PCNT: variants seen among roughly 807,000 people sequenced by gnomAD.
PCNT encodes pericentrin, also known as kendrin.
A neutral mutation model predicts 380.4 loss-of-function variants in PCNT; 319 were observed. That is an observed-to-expected ratio of 0.84 (90% CI 0.77 to 0.92). PCNT has a LOEUF of 0.92. Among genes scored for constraint, PCNT ranks in the 40% least tolerant of loss-of-function variants. The pLI is 0.00. For synonymous variants in PCNT, 1,845 were observed against 1,735.2 expected, an observed-to-expected ratio of 1.06 and a Z score of -1.57; for missense variants, 4,400 against 4,255.3, an observed-to-expected ratio of 1.03 and a Z score of -0.95.
At chr21:46,352,435 G>C (rs932812710) in intron 9 of PCNT, among the ~76,000 whole-genome samples, 1 of 152,178 alleles carries the variant, frequency 6.6e-6, no homozygotes. Context: ...CTCCCCGCGG[G>C]CTCCGGCTCT....
rs757743130 is a variant in PCNT, at chr21:46,412,001, C to T, written c.5928C>T (p.Ala1976=). The change falls in exon 28 of 47, where the codon GCC becomes GCT. Residue 1976 remains alanine, a synonymous_variant. Coordinates refer to ENST00000359568, the MANE Select transcript of PCNT (RefSeq NM_006031.6). The part of the protein sequence containing the change: ...PQPRMDGGAK[A]QVTGDVEASH... The stretch of plus-strand genomic sequence containing the variant: ...CTCGCATGGATGGTGGCGCCAAGGC[C>T]CAGGTCACCGGCGACGTGGAGGCCT... The T allele has an allele frequency of 6.2e-6, 10 of 1,606,490 alleles. No homozygotes were observed. The East Asian group carries it at 2.0e-4, about 32-fold the overall frequency.
In PCNT at chr21:46,430,621, C is replaced by G. The variant is rs886057191; in HGVS notation, c.8028C>G (p.His2676Gln). The G allele has an allele frequency of 1.3e-6, 2 of 1,570,380 alleles. No individual in the cohort carries two copies. Among genetic ancestry groups the G allele is most frequent in the Non-Finnish European group, 1.7e-6 (2 of 1,158,516 alleles). The change falls in exon 37 of 47, where the codon CAC becomes CAG. Residue 2676 changes from histidine (H) to glutamine (Q), a missense_variant. Transcript: ENST00000359568. ...QSQLEEEQLRHLQRESQSAKA... is the reference protein window; with the variant it reads ...QSQLEEEQLRQLQRESQSAKA... ...AGCTGGAGGAGGAGCAGCTGCGGCA[C>G]CTGCAGAGGGAGAGCCAGAGTGCCA...
In PCNT at chr21:46,398,114, G is replaced by T; in HGVS notation, c.4547G>T (p.Gly1516Val). 1 of 1,605,486 alleles carries T rather than the reference G, an allele frequency of 6.2e-7. No individual in the cohort carries two copies. Reference protein sequence around the residue: ...LRQAAKPQPWGPRDSQQAPLD... With the variant: ...LRQAAKPQPWVPRDSQQAPLD... ...CAGGCGGCCAAGCCGCAGCCCTGGG[G>T]CCCTCGCGACAGCCAGGTGAGTCAG... is the stretch of plus-strand genomic sequence containing the variant. Residue 1516 changes from glycine to valine, a missense_variant, in exon 23 of 47, where the codon GGC becomes GTC. Gly to Val is a moderately radical substitution (Grantham distance 109, BLOSUM62 -3). Transcript: ENST00000359568.
At position 46,424,126 on chromosome 21, in the gene PCNT, C is replaced by T. The variant is rs1432577854; in HGVS notation, c.7180-1705C>T. 2.6e-5 allele frequency among the ~76,000 whole-genome samples: 4 copies of T among 152,308 alleles called. No individual in the cohort carries two copies. The East Asian group carries it at 7.7e-4, about 29-fold the overall frequency. ...GTGGGGGACACCCACTGCTCAGATG[C>T]AGCCACAGACGCCAAGAGTGTGGTC... On this transcript the variant is annotated intron_variant, in intron 32 of 46. Coordinates refer to ENST00000359568, the MANE Select transcript of PCNT (RefSeq NM_006031.6).
intron 3 of PCNT, among the ~76,000 whole-genome samples, chr21:46,338,791 T>C (rs1273306372): frequency 6.6e-6 from 1 of 151,280 alleles, no homozygotes; most frequent in Admixed American, 6.6e-5. Flanking sequence ...TTTATTTATT[T>C]ATTTATTTTG....
At chr21:46,385,705 C>A in intron 16 of PCNT, 127 bp from the exon 17 acceptor site, 1 of 1,007,534 alleles carries the variant, frequency 9.9e-7, no homozygotes, top group Non-Finnish European at 1.6e-6. Flanking sequence ...TCCTTTTGCC[C>A]CATCACCAAG....
intron 3 of PCNT, 105 bp downstream of exon 3, chr21:46,334,873 CT>C: frequency 6.4e-7 from 1 of 1,552,386 alleles, no homozygotes; most frequent in Non-Finnish European, 8.8e-7. Flanking sequence ...CAGGGCCTCT[CT>C]TTAGAAGTGG....
intron 15 of PCNT, among the ~76,000 whole-genome samples, chr21:46,369,835 G>A (rs2085054447): frequency 6.6e-6 from 1 of 152,222 alleles, no homozygotes; most frequent in Non-Finnish European, 1.5e-5. Flanking sequence ...GCCCTGGACA[G>A]GGTGGGTGCC....
intron 6 of PCNT, among the ~76,000 whole-genome samples, chr21:46,348,650 T>G (rs2084160425): frequency 6.6e-6 from 1 of 152,244 alleles, no homozygotes; most frequent in Non-Finnish European, 1.5e-5. Flanking sequence ...GGTCTCATTC[T>G]GCCTCCCAGG....
At chr21:46,378,415 G>A (rs777505325) in intron 15 of PCNT, among the ~76,000 whole-genome samples, 9 of 152,158 alleles carry the variant, frequency 5.9e-5, no homozygotes, top group East Asian at 1.9e-4. Context: ...CTTTGGGGCC[G>A]TTATTAAATG....
chr21:46,354,637 GGGA>G (rs1212551689), intron 11 of PCNT, among the ~76,000 whole-genome samples: 1 of 152,206 alleles, frequency 6.6e-6, no homozygotes, highest in South Asian at 2.1e-4. Context: ...CGGGAGGGCA[GGGA>G]GGAGACGCAG....
intron 2 of PCNT, among the ~76,000 whole-genome samples, chr21:46,331,779 T>A (rs1675441781): frequency 1.3e-5 from 2 of 150,644 alleles, no homozygotes; most frequent in South Asian, 4.2e-4. Flanking sequence ...AAAAAAAAAA[T>A]CATAAAAATA....
At chr21:46,357,488 C>T (rs1464158434) in intron 13 of PCNT, among the ~76,000 whole-genome samples, 1 of 152,224 alleles carries the variant, frequency 6.6e-6, no homozygotes, top group East Asian at 1.9e-4. Context: ...GTTGCCCAGG[C>T]TGGAGTGCAG....
intron 21 of PCNT, among the ~76,000 whole-genome samples, chr21:46,395,660 A>G (rs1461581407): frequency 6.6e-6 from 1 of 152,030 alleles, no homozygotes; most frequent in Non-Finnish European, 1.5e-5. Flanking sequence ...TAGTAATAAA[A>G]TAGAGACTTC....
intron 31 of PCNT, among the ~76,000 whole-genome samples, chr21:46,421,359 C>G (rs138057745): frequency 1.1e-4 from 16 of 152,352 alleles, no homozygotes; most frequent in Non-Finnish European, 2.2e-4. Context: ...GTCTGGGTCT[C>G]GTGTCCCTTA....
chr21:46,345,322 A>G (rs778622409), intron 3 of PCNT, among the ~76,000 whole-genome samples: 1 of 151,966 alleles, frequency 6.6e-6, no homozygotes, highest in Non-Finnish European at 1.5e-5. Flanking sequence ...GGTTCAAGTG[A>G]TCCTCCTGCC....
chr21:46,370,846 T>C (rs1205433613), intron 15 of PCNT, among the ~76,000 whole-genome samples: 3 of 152,174 alleles, frequency 2.0e-5, no homozygotes, highest in East Asian at 1.9e-4. Context: ...CCGTCCTGGC[T>C]AACACGGTGG....
At chr21:46,429,931 A>C in intron 35 of PCNT, 79 bp from the exon 36 acceptor site, 1 of 1,147,480 alleles carries the variant, frequency 8.7e-7, no homozygotes, top group African/African-American at 1.5e-5. Flanking sequence ...CGCCCCCACG[A>C]GTCTGTCTCT....
rs190557675 is a variant in PCNT at position 46,388,463 on chromosome 21, C to T, written c.3465-279C>T. Among the ~76,000 whole-genome samples the T allele has an allele frequency of 3.3e-5, 5 of 152,226 alleles. No homozygotes were observed. Among genetic ancestry groups the T allele is most frequent in the African/African-American group, 7.2e-5 (3 of 41,474 alleles). On this transcript the variant is annotated intron_variant, in intron 17 of 46. Transcript: ENST00000359568. The surrounding 1 kb of genome is among the most constrained non-coding windows in gnomAD (Gnocchi z 4.2). ...TCGCACACCTGCGGGACGGGTTTGC[C>T]GTGTTCCTAATGTGATGCCTTTTAC...
Sources: allele counts gnomAD v4.1 joint callset (sites outside exome capture counted in the v4.1 genomes callset), GRCh38; gene constraint gnomAD v4.1.1; non-coding constraint Gnocchi (gnomAD v3.1); transcripts MANE v1.5; gene names NCBI Gene and HGNC (gene_info 2026-07-23, HGNC 2026-07-21).